AUTS2: variants seen among roughly 807,000 people sequenced by gnomAD.
AUTS2 encodes the protein activator of transcription and developmental regulator AUTS2, also known as autism susceptibility gene 2 protein.
AUTS2 carries 17 observed loss-of-function variants against 112.4 expected under a neutral mutation model. The observed-to-expected ratio is 0.15, with a 90% CI of 0.10 to 0.23. The LOEUF is 0.23. AUTS2 is among the 10% of genes least tolerant of loss of function. The probability of loss-of-function intolerance (pLI) is 1.00; values close to 1 mark genes in which losing one functional copy is unlikely to be tolerated. For missense variants in AUTS2, 1,510 were observed against 1,701.6 expected (o/e 0.89, Z 1.98); for synonymous variants, 751 against 702.7 (o/e 1.07, Z -1.09).
chr7:70,003,148 CTA>C (rs1799277211), intron 2 of AUTS2, among the ~76,000 whole-genome samples: 1 of 134,432 alleles, frequency 7.4e-6, no homozygotes, highest in African/African-American at 2.8e-5. Flanking sequence ...TTATATATGA[CTA>C]TATTATATAT....
Position 70,790,429 on chromosome 7 carries a change from C to G in AUTS2, c.3213C>G (p.Ile1071Met). ...ACCCTTCTTTCCACTGGGACCCCAT[C>G]CGGGACCCCTTGAGGGATCCTTACC... ...FPYPSFHWDPIRDPLRDPYRE... is the reference protein window; with the variant it reads ...FPYPSFHWDPMRDPLRDPYRE... Residue 1071 changes from isoleucine to methionine, a missense_variant, in exon 19 of 19, where the codon ATC becomes ATG. By Grantham distance (10) the Ile-to-Met change is conservative. This residue lies in a region of AUTS2 where 788 missense variants were observed against 797.6 expected (regional missense o/e 0.99). Coordinates refer to ENST00000342771, the MANE Select transcript of AUTS2 (RefSeq NM_015570.4). The surrounding 1 kb of genome is among the most constrained non-coding windows in gnomAD (Gnocchi z 7.6). 1 of 1,612,824 alleles carries G rather than the reference C, an allele frequency of 6.2e-7. No homozygotes were observed. The highest frequency in any genetic ancestry group is 1.3e-5 in the African/African-American group (1 of 75,054).
intron 4 of AUTS2, among the ~76,000 whole-genome samples, chr7:70,413,046 C>G (rs1018232745): frequency 2.0e-5 from 3 of 152,206 alleles, no homozygotes; most frequent in Non-Finnish European, 4.4e-5. Context: ...ACCCCATGCC[C>G]TGTCTGGCAC....
chr7:70,266,139 C>T (rs1232656064), intron 4 of AUTS2, among the ~76,000 whole-genome samples: 1 of 152,038 alleles, frequency 6.6e-6, no homozygotes, highest in Non-Finnish European at 1.5e-5. Context: ...GAAAACAACC[C>T]AAATGTTCAT....
At chr7:70,602,251 A>G (rs559511410) in intron 5 of AUTS2, among the ~76,000 whole-genome samples, 4 of 152,340 alleles carry the variant, frequency 2.6e-5, no homozygotes, top group Admixed American at 1.3e-4. Flanking sequence ...ATGTCATGCC[A>G]TCTAACTTAC....
intron 4 of AUTS2, among the ~76,000 whole-genome samples, chr7:70,260,448 G>A (rs527746042): frequency 1.1e-3 from 171 of 152,158 alleles, no homozygotes; most frequent in Non-Finnish European, 1.8e-3. Flanking sequence ...GTCTAAGGTA[G>A]AGGGGCTGGG....
At chr7:70,044,512 G>A (rs1175404438) in intron 2 of AUTS2, among the ~76,000 whole-genome samples, 2 of 152,140 alleles carry the variant, frequency 1.3e-5, no homozygotes, top group African/African-American at 4.8e-5. Context: ...TCCAGCGTGT[G>A]TTAGATTCTG....
chr7:69,865,280 C>A (rs375237532), intron 1 of AUTS2, among the ~76,000 whole-genome samples: 1 of 152,038 alleles, frequency 6.6e-6, no homozygotes, highest in East Asian at 1.9e-4. Context: ...TGGGCCTGGG[C>A]TACACACATG....
chr7:69,759,286 C>A (rs10275112), intron 1 of AUTS2, among the ~76,000 whole-genome samples: 15,551 of 151,796 alleles, frequency 0.1, 1,305 homozygotes, highest in African/African-American at 0.23. Flanking sequence ...ACATCTGTAT[C>A]TACATAATGG....
At chr7:70,618,621 C>T (rs145092207) in intron 5 of AUTS2, among the ~76,000 whole-genome samples, 2 of 152,244 alleles carry the variant, frequency 1.3e-5, no homozygotes, top group African/African-American at 4.8e-5. Flanking sequence ...AAGCTGTTTC[C>T]CCAGCAAAGC....
At chr7:70,241,451 C>A (rs1217922503) in intron 4 of AUTS2, among the ~76,000 whole-genome samples, 1 of 152,058 alleles carries the variant, frequency 6.6e-6, no homozygotes, top group Non-Finnish European at 1.5e-5. Flanking sequence ...TAAAATATAT[C>A]CCCTAGATAA....
chr7:70,129,299 T>G (rs1366227701), intron 3 of AUTS2, among the ~76,000 whole-genome samples: 9 of 152,210 alleles, frequency 5.9e-5, no homozygotes, highest in Admixed American at 5.9e-4. Flanking sequence ...CAAAAGGAAT[T>G]CTCTCTTCTC....
At chr7:70,350,186 A>C (rs556407456) in intron 4 of AUTS2, among the ~76,000 whole-genome samples, 7 of 152,362 alleles carry the variant, frequency 4.6e-5, no homozygotes, top group African/African-American at 9.6e-5. Flanking sequence ...GGATGGAGTT[A>C]ACTAGTAAAC....
At chr7:69,927,718 C>T (rs1173076540) in intron 2 of AUTS2, among the ~76,000 whole-genome samples, 2 of 152,214 alleles carry the variant, frequency 1.3e-5, no homozygotes, top group African/African-American at 4.8e-5. Context: ...ACGGCTGCTG[C>T]AGTGGGGAGG....
intron 5 of AUTS2, among the ~76,000 whole-genome samples, chr7:70,619,645 C>T (rs1563080546): frequency 2.0e-5 from 3 of 151,368 alleles, no homozygotes; most frequent in African/African-American, 7.3e-5. Flanking sequence ...GAGGTGTTGT[C>T]GGGCTGCCAT....
intron 4 of AUTS2, among the ~76,000 whole-genome samples, chr7:70,435,296 A>G (rs1468759204): frequency 6.6e-6 from 1 of 152,230 alleles, no homozygotes; most frequent in African/African-American, 2.4e-5. Flanking sequence ...TCCTGTAGAA[A>G]AGCACCGGTA....
chr7:70,654,468 A>G (rs1184276473), intron 5 of AUTS2, among the ~76,000 whole-genome samples: 1 of 152,378 alleles, frequency 6.6e-6, no homozygotes. Context: ...CATAGAGTAC[A>G]TGGGAATGTA....
chr7:70,506,813 A>G (rs1585230683), intron 5 of AUTS2, among the ~76,000 whole-genome samples: 1 of 152,206 alleles, frequency 6.6e-6, no homozygotes, highest in Non-Finnish European at 1.5e-5. Flanking sequence ...TTTCTTATCT[A>G]TATGGGGGAA....
chr7:69,999,956 G>A lies in AUTS2; in HGVS notation c.522+100458G>A, dbSNP rs17141105. On this transcript the variant is annotated intron_variant, in intron 2 of 18. Coordinates refer to ENST00000342771, the MANE Select transcript of AUTS2 (RefSeq NM_015570.4). ...TGGCTCATAATGCACTTGGCAAACCGAAGTAGCTGTGGTGGATGTTTGAGG... is the reference window on the plus strand; with the variant it reads ...TGGCTCATAATGCACTTGGCAAACCAAAGTAGCTGTGGTGGATGTTTGAGG... Among the ~76,000 whole-genome samples, 2,958 of 152,212 alleles carry A rather than the reference G, an allele frequency of 0.019. 202 individuals are homozygous for A. In the East Asian group the frequency reaches 0.23, roughly 12 times the overall value.
At chr7:70,366,809 C>T (rs986797420) in intron 4 of AUTS2, among the ~76,000 whole-genome samples, 1 of 152,048 alleles carries the variant, frequency 6.6e-6, no homozygotes, top group African/African-American at 2.4e-5. Context: ...TCTGAGACAC[C>T]TAACCCCAAA....
Sources: gnomAD v4.1 joint callset for allele counts (sites outside exome capture counted in the v4.1 genomes callset) on GRCh38, gnomAD v4.1.1 for gene constraint, gnomAD v4.1.1 regional missense constraint, Gnocchi (gnomAD v3.1) non-coding constraint, MANE v1.5 for transcripts, NCBI Gene and HGNC (gene_info 2026-07-23, HGNC 2026-07-21) for gene names.